The following PDE10A variants were observed in gnomAD, a reference collection of about 807,000 sequenced individuals.
PDE10A encodes the protein cAMP and cAMP-inhibited cGMP 3',5'-cyclic phosphodiesterase 10A.
A neutral mutation model predicts 97.7 loss-of-function variants in PDE10A; 39 were observed. The ratio of observed to expected loss-of-function variants is 0.40; its 90% CI spans 0.31 to 0.52. The LOEUF (loss-of-function observed/expected upper bound fraction) is 0.52, where lower values mean the gene tolerates loss of function less well. Ranked by LOEUF, PDE10A falls within the 20% of genes least tolerant of loss-of-function variation. The pLI, the probability that PDE10A is intolerant of heterozygous loss-of-function variation, is 0.56. For synonymous variants in PDE10A, 371 were observed against 376.8 expected (o/e 0.98, Z 0.18); for missense variants, 731 against 1,047.8 (o/e 0.70, Z 4.17).
chr6:165,450,772 G>A (rs905370407), intron 3 of PDE10A, among the ~76,000 whole-genome samples: 2 of 151,944 alleles, frequency 1.3e-5, no homozygotes, highest in Admixed American at 6.6e-5. Flanking sequence ...TGTTGCCCAG[G>A]CTGGTCTCGA....
rs546832293 is a variant in PDE10A, at chr6:165,755,687, T to C, written c.-614-212119A>G. 1.8e-4 allele frequency among the ~76,000 whole-genome samples: 28 copies of C among 152,070 alleles called. No individual in the cohort carries two copies. In the East Asian group the frequency reaches 4.8e-3, roughly 26 times the overall value. On this transcript the variant is annotated intron_variant, in intron 1 of 19. Transcript: ENST00000366882. ...TACACTGAGGGATGTTTGTAGGAAA[T>C]GGAACAGGGAAAGAGGGGGCAGCTG...
rs554779816 is a variant in PDE10A, at chr6:165,603,739, G to C, written c.865+58208C>G. On this transcript the variant is annotated intron_variant, in intron 1 of 21. Coordinates refer to ENST00000539869, the MANE Select transcript of PDE10A (RefSeq NM_001385079.1). ...ATGACCCCTAATGGTATTGAAAATG[G>C]AGAGAAAGGGGGCAAGTTCAATGAC... 2.6e-5 allele frequency among the ~76,000 whole-genome samples: 4 copies of C among 152,372 alleles called. No homozygotes were observed. In the South Asian group the frequency reaches 8.3e-4, roughly 32 times the overall value.
intron 1 of PDE10A, among the ~76,000 whole-genome samples, chr6:165,916,201 G>T (rs1357140491): frequency 1.3e-5 from 2 of 152,192 alleles, no homozygotes; most frequent in Non-Finnish European, 2.9e-5. Context: ...TTCCTAATTT[G>T]CAATCTGTTG....
At chr6:165,359,391 G>T (rs1042770728) in intron 18 of PDE10A, among the ~76,000 whole-genome samples, 1 of 152,158 alleles carries the variant, frequency 6.6e-6, no homozygotes, top group South Asian at 2.1e-4. Flanking sequence ...GGAACAGACA[G>T]TGCTTTGAAT....
At chr6:165,823,522 A>AATT (rs1779638295) in intron 1 of PDE10A, among the ~76,000 whole-genome samples, 9 of 96,142 alleles carry the variant, frequency 9.4e-5, no homozygotes, top group South Asian at 3.1e-4. Flanking sequence ...ATATATATAT[A>AATT]TATGAACCTT....
rs184319471 is a variant in PDE10A, at chr6:165,437,169, C to T, written c.1195-1792G>A. Among the ~76,000 whole-genome samples, 407 of 151,914 alleles carry T rather than the reference C, an allele frequency of 2.7e-3. 2 individuals carry two copies. The highest frequency in any genetic ancestry group is 9.0e-3 in the African/African-American group (373 of 41,470). The stretch of plus-strand genomic sequence containing the variant: ...TCCAACAGTAACTCTGTATTTTTTG[C>T]GGGGGGTGTGGAGGGAGTCATAGTT... On this transcript the variant is annotated intron_variant, in intron 5 of 21. Coordinates refer to ENST00000539869, the MANE Select transcript of PDE10A (RefSeq NM_001385079.1).
At chr6:165,706,090 G>T (rs2128444806) in intron 1 of PDE10A, among the ~76,000 whole-genome samples, 1 of 152,318 alleles carries the variant, frequency 6.6e-6, no homozygotes, top group African/African-American at 2.4e-5. Context: ...AACATGCAGA[G>T]GGAGTGCTGA....
At chr6:165,746,647 A>G (rs1428708076) in intron 1 of PDE10A, among the ~76,000 whole-genome samples, 1 of 152,216 alleles carries the variant, frequency 6.6e-6, no homozygotes, top group East Asian at 1.9e-4. Flanking sequence ...AGAGCAGAAC[A>G]GGCAAGAAGA....
intron 1 of PDE10A, among the ~76,000 whole-genome samples, chr6:165,687,216 C>T (rs550171444): frequency 6.6e-6 from 1 of 152,254 alleles, no homozygotes; most frequent in Admixed American, 6.5e-5. Context: ...GTCACCACCA[C>T]AGCCGCTGGC....
intron 1 of PDE10A, among the ~76,000 whole-genome samples, chr6:165,686,865 G>A (rs1171906505): frequency 6.6e-6 from 1 of 152,218 alleles, no homozygotes; most frequent in African/African-American, 2.4e-5. Context: ...CTAAACGTGT[G>A]AGCTGCAGAG....
chr6:165,512,443 T>A (rs952546364), intron 2 of PDE10A, among the ~76,000 whole-genome samples: 1 of 151,514 alleles, frequency 6.6e-6, no homozygotes. Context: ...TGACAAGTTT[T>A]AAAAAAAAAT....
intron 1 of PDE10A, among the ~76,000 whole-genome samples, chr6:165,874,367 C>T (rs79802500): frequency 0.068 from 6,226 of 91,468 alleles, 172 homozygotes; most frequent in Middle Eastern, 0.14. Context: ...GAACTTATTT[C>T]GCATTAGAAA....
At chr6:165,435,023 T>C (rs1261524615) in intron 6 of PDE10A, among the ~76,000 whole-genome samples, 1 of 152,210 alleles carries the variant, frequency 6.6e-6, no homozygotes, top group Non-Finnish European at 1.5e-5. Flanking sequence ...CTGGCATGTG[T>C]TGAAATAAGA....
intron 17 of PDE10A, among the ~76,000 whole-genome samples, chr6:165,382,591 T>C (rs1404395642): frequency 3.3e-5 from 5 of 152,152 alleles, no homozygotes; most frequent in African/African-American, 9.7e-5. Context: ...ATTATTCTCA[T>C]CTGTAAAATG....
chr6:165,746,178 T>C (rs1379525905), intron 1 of PDE10A, among the ~76,000 whole-genome samples: 1 of 151,968 alleles, frequency 6.6e-6, no homozygotes, highest in Admixed American at 6.6e-5. Flanking sequence ...GCTCAGTAAA[T>C]GAGAAAACAT....
At chr6:165,508,989 G>C (rs898159454) in intron 2 of PDE10A, among the ~76,000 whole-genome samples, 2 of 151,912 alleles carry the variant, frequency 1.3e-5, no homozygotes, top group African/African-American at 4.8e-5. Context: ...TTCACAGATT[G>C]ATTTTTTTCT....
At chr6:165,744,481 A>G (rs1792799983) in intron 1 of PDE10A, among the ~76,000 whole-genome samples, 1 of 152,220 alleles carries the variant, frequency 6.6e-6, no homozygotes. Context: ...TAATACTGAT[A>G]TTAATATCTC....
intron 1 of PDE10A, among the ~76,000 whole-genome samples, chr6:165,821,517 T>A (rs1054434800): frequency 1.5e-5 from 2 of 137,662 alleles, no homozygotes; most frequent in South Asian, 5.6e-4. Context: ...TGTTTATAAT[T>A]ATTATTATTA....
intron 1 of PDE10A, among the ~76,000 whole-genome samples, chr6:165,587,227 G>A (rs1046689096): frequency 3.9e-5 from 6 of 152,188 alleles, no homozygotes; most frequent in African/African-American, 1.4e-4. Flanking sequence ...TCAATGCACA[G>A]AATATGTGGG....
Sources: gnomAD v4.1 joint callset for allele counts (sites outside exome capture counted in the v4.1 genomes callset) on GRCh38, gnomAD v4.1.1 for gene constraint, MANE v1.5 for transcripts, NCBI Gene and HGNC (gene_info 2026-07-23, HGNC 2026-07-21) for gene names.